Variants in SLC4A8 observed in about 807,000 individuals in gnomAD.
SLC4A8 encodes the protein solute carrier family 4 member 8.
In SLC4A8, 40 loss-of-function variants were observed where a neutral mutation model predicts 125.0. The ratio of observed to expected loss-of-function variants is 0.32; its 90% CI spans 0.25 to 0.42. The LOEUF is 0.42. Ranked by LOEUF, SLC4A8 falls within the 10% of genes least tolerant of loss-of-function variation. The pLI, the probability that SLC4A8 is intolerant of heterozygous loss-of-function variation, is 1.00. For synonymous variants in SLC4A8, 456 were observed against 476.0 expected, an observed-to-expected ratio of 0.96 and a Z score of 0.55; for missense variants, 863 against 1,355.1, an observed-to-expected ratio of 0.64 and a Z score of 5.70.
At chr12:51,478,229 C>G (rs997347987) in intron 16 of SLC4A8, among the ~76,000 whole-genome samples, 2 of 148,956 alleles carry the variant, frequency 1.3e-5, no homozygotes, top group Non-Finnish European at 3.0e-5. Context: ...GAGCCAAGAT[C>G]GTGCCACTGC....
chr12:51,400,763 TATATATATATATATACATACATACAC>T (rs1289222476), intron 1 of SLC4A8, among the ~76,000 whole-genome samples: 487 of 8,668 alleles, frequency 0.056, 61 homozygotes, highest in Non-Finnish European at 0.082. Context: ...TATATATATA[TATATATATATATATACATACATACAC>T]ACACACACAC....
chr12:51,453,828 CCT>C, intron 5 of SLC4A8, 129 bp downstream of exon 5: 1 of 759,216 alleles, frequency 1.3e-6, no homozygotes, highest in East Asian at 2.8e-5. Flanking sequence ...ACCTTCCTGG[CCT>C]CAATGTCCTT....
At chr12:51,446,161 A>G (rs970980222) in intron 2 of SLC4A8, among the ~76,000 whole-genome samples, 1 of 152,308 alleles carries the variant, frequency 6.6e-6, no homozygotes, top group East Asian at 1.9e-4. Context: ...CTCTGGCTCT[A>G]TATTTCTGTT....
chr12:51,474,939 C>T (rs1950816662), intron 15 of SLC4A8, 106 bp from the exon 16 acceptor site: 2 of 1,051,620 alleles, frequency 1.9e-6, no homozygotes, highest in Non-Finnish European at 2.8e-6. Flanking sequence ...CTTGCAGCCT[C>T]TGCTCCCAAC....
intron 4 of SLC4A8, 108 bp from the exon 5 acceptor site, chr12:51,453,431 T>C (rs1950029346): frequency 1.8e-6 from 2 of 1,136,426 alleles, no homozygotes; most frequent in Admixed American, 2.2e-5. Flanking sequence ...TTTTACAATG[T>C]TCAGTATGAC....
chr12:51,484,548 A>G (rs1565813524), intron 16 of SLC4A8, among the ~76,000 whole-genome samples: 1 of 152,158 alleles, frequency 6.6e-6, no homozygotes, highest in Non-Finnish European at 1.5e-5. Context: ...GCATTCAGAG[A>G]AGAACTAACA....
intron 16 of SLC4A8, among the ~76,000 whole-genome samples, chr12:51,479,779 G>C (rs973760103): frequency 1.1e-4 from 16 of 150,948 alleles, no homozygotes; most frequent in African/African-American, 3.6e-4. Context: ...AATAAACTTT[G>C]TAAAATCAAT....
chr12:51,465,308 T>G (rs913287221), intron 11 of SLC4A8, among the ~76,000 whole-genome samples: 7 of 152,202 alleles, frequency 4.6e-5, no homozygotes, highest in African/African-American at 7.2e-5. Flanking sequence ...AAGGTTTTCC[T>G]CAAACCAATA....
intron 11 of SLC4A8, chr12:51,469,037 A>G (rs1321546192): frequency 6.5e-6 from 1 of 152,674 alleles, no homozygotes; most frequent in African/African-American, 2.4e-5. Flanking sequence ...TGTCTCCTGC[A>G]CTAGACTTGG....
chr12:51,416,782 C>G (rs1948694581), intron 1 of SLC4A8, among the ~76,000 whole-genome samples: 1 of 152,192 alleles, frequency 6.6e-6, no homozygotes, highest in Non-Finnish European at 1.5e-5. Context: ...AGTGCTGTAT[C>G]ATTCAAAAGT....
In SLC4A8 at chr12:51,459,998, C is replaced by T. The variant is rs781741637; in HGVS notation, c.903C>T (p.Ser301=). The part of the protein sequence containing the change: ...MKKIPTGAEA[S]NVLVGEVDIL... The stretch of plus-strand genomic sequence containing the variant: ...AAATTCCTACTGGGGCCGAGGCCTC[C>T]AATGTCCTGGTTGGAGAGGTGGATA... Residue 301 remains serine (S), a synonymous_variant, in exon 8 of 25, where the codon TCC becomes TCT. Transcript: ENST00000453097. The T allele has an allele frequency of 1.2e-6, 2 of 1,613,464 alleles. No homozygotes were observed. The highest frequency in any genetic ancestry group is 1.7e-5 in the Admixed American group (1 of 60,006).
intron 1 of SLC4A8, among the ~76,000 whole-genome samples, chr12:51,419,380 G>T (rs542319023): frequency 6.6e-6 from 1 of 152,328 alleles, no homozygotes; most frequent in East Asian, 1.9e-4. Context: ...AGTATAAAAA[G>T]CTCAGGAGGT....
intron 16 of SLC4A8, among the ~76,000 whole-genome samples, chr12:51,476,032 CT>C (rs1950843979): frequency 6.6e-6 from 1 of 152,182 alleles, no homozygotes; most frequent in African/African-American, 2.4e-5. Flanking sequence ...GAAGGGCCCC[CT>C]GAAGGCCTGG....
At chr12:51,400,773 T>TATAC (rs1948367058) in intron 1 of SLC4A8, among the ~76,000 whole-genome samples, 2 of 4,480 alleles carry the variant, frequency 4.5e-4, no homozygotes, top group South Asian at 0.024. Context: ...TATATATATA[T>TATAC]ATATACATAC....
intron 1 of SLC4A8, among the ~76,000 whole-genome samples, chr12:51,395,601 G>A (rs986951097): frequency 4.6e-5 from 7 of 152,206 alleles, no homozygotes; most frequent in African/African-American, 1.7e-4. Context: ...GGCAGAGTGA[G>A]GGAGACCTGC....
intron 24 of SLC4A8, 116 bp from the exon 25 acceptor site, chr12:51,507,309 TA>T: frequency 1.6e-6 from 1 of 610,534 alleles, no homozygotes; most frequent in Non-Finnish European, 2.6e-6. Flanking sequence ...AGTCTACTTG[TA>T]AATGAACTTA....
Position 51,462,466 on chromosome 12 carries a change from G to A in SLC4A8, c.1248+10G>A, listed in dbSNP as rs1276599918. The A allele has an allele frequency of 1.9e-6, 3 of 1,550,272 alleles. No homozygotes were observed. The East Asian group carries it at 6.8e-5, about 35-fold the overall frequency. ...AAATGTCCCTTCCCAGGTAATGTAT[G>A]CACATCAGCCAATGTGGCTATTGTC... On this transcript the variant is annotated intron_variant, in intron 10 of 24. Coordinates refer to ENST00000453097, the MANE Select transcript of SLC4A8 (RefSeq NM_001039960.3).
At position 51,458,110 on chromosome 12, in the gene SLC4A8, G is replaced by A. The variant is rs150650979; in HGVS notation, c.764-449G>A. On this transcript the variant is annotated intron_variant, in intron 6 of 24. Coordinates refer to ENST00000453097, the MANE Select transcript of SLC4A8 (RefSeq NM_001039960.3). The stretch of plus-strand genomic sequence containing the variant: ...TGAGGCCCTTAGCCAGATGCATGGT[G>A]GATTATAATCACTCAGAATTTTGGC... 3.8e-3 allele frequency among the ~76,000 whole-genome samples: 586 copies of A among 152,268 alleles called. 7 individuals carry two copies. The highest frequency in any genetic ancestry group is 0.018 in the South Asian group (85 of 4,824).
chr12:51,469,893 AT>A lies in SLC4A8; in HGVS notation c.1524+107del, dbSNP rs1292231385. 7.9e-6 allele frequency: 8 copies of A among 1,018,516 alleles called. No individual in the cohort carries two copies. The Admixed American group carries it at 1.8e-4, about 23-fold the overall frequency. The allele number at this position is 1,018,516 out of a possible 1,614,324, so 63.1% of individuals were successfully genotyped here. Reference sequence around the variant, plus strand: ...AATTACTTGGTCTAGGACTGAAGAGATTGGATTTTTCCTCTGAATTACCATG... The same window carrying A: ...AATTACTTGGTCTAGGACTGAAGAGATGGATTTTTCCTCTGAATTACCATG... On this transcript the variant is annotated intron_variant, in intron 12 of 24. Coordinates refer to ENST00000453097, the MANE Select transcript of SLC4A8 (RefSeq NM_001039960.3).
Sources: allele counts gnomAD v4.1 joint callset (sites outside exome capture counted in the v4.1 genomes callset), GRCh38; gene constraint gnomAD v4.1.1; transcripts MANE v1.5; gene names NCBI Gene and HGNC (gene_info 2026-07-23, HGNC 2026-07-21).